Variants in CHFR observed in about 807,000 individuals in gnomAD.
The protein encoded by CHFR is E3 ubiquitin-protein ligase CHFR.
Under a neutral mutation model 87.6 loss-of-function variants are expected in CHFR, and 57 were observed. The ratio of observed to expected loss-of-function variants is 0.65; its 90% CI spans 0.53 to 0.81. The LOEUF is 0.81. Among genes scored for constraint, CHFR ranks in the 30% least tolerant of loss-of-function variants. The pLI, the probability that CHFR is intolerant of heterozygous loss-of-function variation, is 0.00. For synonymous variants in CHFR, 381 were observed against 359.2 expected, an observed-to-expected ratio of 1.06 and a Z score of -0.69; for missense variants, 797 against 865.8, an observed-to-expected ratio of 0.92 and a Z score of 1.00.
At chr12:132,877,826 G>A (rs1007361884) in intron 2 of CHFR, among the ~76,000 whole-genome samples, 172 bp from the exon 3 acceptor site, 2 of 150,440 alleles carry the variant, frequency 1.3e-5, no homozygotes, top group African/African-American at 4.9e-5. Flanking sequence ...TTCTTGAGAC[G>A]GAGTCTCGCT....
chr12:132,868,273 G>A (rs1041423705), intron 6 of CHFR, among the ~76,000 whole-genome samples: 9 of 152,156 alleles, frequency 5.9e-5, no homozygotes, highest in Non-Finnish European at 8.8e-5. Context: ...GACAGATCAC[G>A]AGGTCAGGAG....
chr12:132,871,112 C>G (rs1951477565), intron 4 of CHFR, among the ~76,000 whole-genome samples: 1 of 152,240 alleles, frequency 6.6e-6, no homozygotes, highest in Non-Finnish European at 1.5e-5. Context: ...CTGAAGATGC[C>G]TAAGACATAT....
intron 4 of CHFR, 92 bp from the exon 5 acceptor site, chr12:132,870,875 TG>T: frequency 1.3e-6 from 1 of 755,048 alleles, no homozygotes; most frequent in Non-Finnish European, 2.3e-6. Context: ...CATTTGTTTT[TG>T]TTGATTATTT....
Position 132,861,615 on chromosome 12 carries a change from G to A in CHFR, c.603C>T (p.Ile201=), listed in dbSNP as rs1951211154. The part of the protein sequence containing the change: ...SSSCGSGGGG[I]SPKGSGPSVA... ...CAGAGGGACCACTTCCTTTAGGGGA[G>A]ATGCCACCACCCCCAGACCCTGTGA... Residue 201 remains isoleucine, a synonymous_variant, in exon 7 of 18, where the codon ATC becomes ATT. Coordinates refer to ENST00000450056, the MANE Select transcript of CHFR (RefSeq NM_001161346.2). 1.2e-6 allele frequency: 2 copies of A among 1,614,000 alleles called. No individual in the cohort carries two copies. The highest frequency in any genetic ancestry group is 1.7e-5 in the Admixed American group (1 of 59,988).
In CHFR at chr12:132,833,796, A is replaced by G. The variant is rs1950630024; in HGVS notation, c.*7758T>C. 2.0e-5 allele frequency: 3 copies of G among 152,600 alleles called. No homozygotes were observed. The highest frequency in any genetic ancestry group is 4.1e-4 in the South Asian group (2 of 4,838). 9.5% of individuals were successfully genotyped at this position (152,600 alleles called of 1,614,324 possible). A position where few individuals can be genotyped will look rare whatever the true frequency, so the allele number is the denominator to read the frequency against. ...CACTGCCCTCCAGCCCTGACAACAG[A>G]GCAAGACACTGTCTCAAAAACAAAA... On this transcript the variant is annotated 3_prime_UTR_variant, in exon 18 of 18. Transcript: ENST00000450056.
At chr12:132,879,014 T>C (rs1442657924) in intron 2 of CHFR, among the ~76,000 whole-genome samples, 1 of 148,328 alleles carries the variant, frequency 6.7e-6, no homozygotes, top group Non-Finnish European at 1.5e-5. Flanking sequence ...TGTTTGTTTT[T>C]TTTTTTTTGA....
chr12:132,850,952 T>C (rs1266894935), intron 12 of CHFR, among the ~76,000 whole-genome samples: 1 of 136,760 alleles, frequency 7.3e-6, no homozygotes, highest in Non-Finnish European at 1.5e-5. Flanking sequence ...TAATAATAAC[T>C]GTATGTGTGT....
intron 14 of CHFR, chr12:132,847,647 G>A (rs377307738): frequency 2.3e-5 from 25 of 1,080,720 alleles, no homozygotes; most frequent in South Asian, 1.1e-4. Flanking sequence ...GCAGGAGGGC[G>A]AATGCGCATG....
intron 16 of CHFR, 94 bp from the exon 17 acceptor site, chr12:132,843,177 C>G (rs995734579): frequency 1.8e-6 from 2 of 1,104,872 alleles, no homozygotes; most frequent in Non-Finnish European, 2.7e-6. Flanking sequence ...ACAGACGCTG[C>G]GGTGGAAACG....
intron 6 of CHFR, among the ~76,000 whole-genome samples, chr12:132,864,786 C>G (rs368629483): frequency 6.6e-6 from 1 of 152,196 alleles, no homozygotes; most frequent in South Asian, 2.1e-4. Flanking sequence ...CCACACCCGG[C>G]CAGAAGAATT....
chr12:132,860,846 G>A (rs1393642698), intron 7 of CHFR, among the ~76,000 whole-genome samples: 4 of 152,270 alleles, frequency 2.6e-5, no homozygotes, highest in Middle Eastern at 3.4e-3. Flanking sequence ...TCCACCTGCC[G>A]GGTTCAAGCA....
chr12:132,851,376 G>A (rs1271352183), intron 12 of CHFR, among the ~76,000 whole-genome samples: 1 of 152,188 alleles, frequency 6.6e-6, no homozygotes, highest in Non-Finnish European at 1.5e-5. Context: ...GCAGGGGATA[G>A]ACACAGATCC....
chr12:132,844,249 G>A (rs562859801), intron 15 of CHFR, 115 bp from the exon 16 acceptor site: 9 of 659,212 alleles, frequency 1.4e-5, no homozygotes, highest in East Asian at 2.8e-5. Flanking sequence ...GACAACGGGC[G>A]ACACATTAGG....
chr12:132,872,540 T>C (rs1951515790), intron 3 of CHFR, 146 bp from the exon 4 acceptor site: 2 of 607,428 alleles, frequency 3.3e-6, no homozygotes, highest in African/African-American at 3.7e-5. Flanking sequence ...GATGCACACA[T>C]CCACGCACCC....
At chr12:132,842,090 C>G (rs994770324) in intron 17 of CHFR, among the ~76,000 whole-genome samples, 1 of 125,492 alleles carries the variant, frequency 8.0e-6, no homozygotes, top group African/African-American at 3.1e-5. Context: ...GCCTGGCAGA[C>G]AGAGCGAGAC....
At chr12:132,866,409 A>G (rs1350637173) in intron 6 of CHFR, 1 of 152,096 alleles carries the variant, frequency 6.6e-6, no homozygotes, top group Admixed American at 6.6e-5. Context: ...AGACCGGAAC[A>G]CCACACCGGA....
intron 12 of CHFR, among the ~76,000 whole-genome samples, chr12:132,850,546 C>T (rs1223997481): frequency 3.9e-5 from 6 of 152,186 alleles, no homozygotes; most frequent in Non-Finnish European, 5.9e-5. Flanking sequence ...CCCGAGGCAG[C>T]GACCGCCCAG....
intron 6 of CHFR, among the ~76,000 whole-genome samples, chr12:132,865,212 G>A (rs1026186634): frequency 6.6e-6 from 1 of 152,230 alleles, no homozygotes; most frequent in Admixed American, 6.5e-5. Context: ...GTCAGTGCAT[G>A]CTGGATCTAG....
At chr12:132,869,568 T>C in intron 6 of CHFR, 51 bp downstream of exon 6, 2 of 1,513,180 alleles carry the variant, frequency 1.3e-6, no homozygotes, top group Non-Finnish European at 1.8e-6. Context: ...TAAAGAGTAG[T>C]GAACAAAAAC....
Sources: gnomAD v4.1 joint callset for allele counts (sites outside exome capture counted in the v4.1 genomes callset) on GRCh38, gnomAD v4.1.1 for gene constraint, MANE v1.5 for transcripts, NCBI Gene and HGNC (gene_info 2026-07-23, HGNC 2026-07-21) for gene names.